ABHD12: variants seen among roughly 807,000 people sequenced by gnomAD.
ABHD12 encodes lysophosphatidylserine lipase ABHD12.
A neutral mutation model predicts 58.3 loss-of-function variants in ABHD12; 43 were observed. That is an observed-to-expected ratio of 0.74 (90% CI 0.58 to 0.95). The LOEUF is 0.95. ABHD12 is among the 40% of genes least tolerant of loss of function. The pLI, the probability that ABHD12 is intolerant of heterozygous loss-of-function variation, is 0.00. For synonymous variants in ABHD12, 219 were observed against 211.2 expected, an observed-to-expected ratio of 1.04 and a Z score of -0.32; for missense variants, 539 against 537.2, an observed-to-expected ratio of 1.00 and a Z score of -0.03.
At chr20:25,295,636 T>G (rs201552182), downstream of ABHD12, 115 of 1,613,938 alleles carry the variant, frequency 7.1e-5, no homozygotes, top group Non-Finnish European at 9.3e-5. Flanking sequence ...GAAGCCTACA[T>G]GCAGTGCCAG....
chr20:25,307,686 G>A (rs1232600769), intron 9 of ABHD12, among the ~76,000 whole-genome samples: 1 of 152,234 alleles, frequency 6.6e-6, no homozygotes, highest in Non-Finnish European at 1.5e-5. Context: ...AGGCAGGGCT[G>A]TCAATACAAT....
At chr20:25,312,475 T>C (rs1345619255) in intron 6 of ABHD12, among the ~76,000 whole-genome samples, 2 of 152,166 alleles carry the variant, frequency 1.3e-5, no homozygotes, top group East Asian at 1.9e-4. Flanking sequence ...TCTCGTTCAC[T>C]CAGTGCTCAA....
At chr20:25,382,187 T>C (rs988287252) in intron 1 of ABHD12, among the ~76,000 whole-genome samples, 4 of 152,234 alleles carry the variant, frequency 2.6e-5, no homozygotes, top group Admixed American at 6.5e-5. Context: ...TGGGTCTCTA[T>C]GAAGGCTATC....
intron 1 of ABHD12, among the ~76,000 whole-genome samples, chr20:25,388,746 C>T (rs2090128102): frequency 6.6e-6 from 1 of 151,026 alleles, no homozygotes; most frequent in South Asian, 2.1e-4. Flanking sequence ...GCCAGGTCGC[C>T]GCTGTTTCCC....
chr20:25,340,550 TG>T (rs2089441597), intron 1 of ABHD12, among the ~76,000 whole-genome samples: 1 of 152,234 alleles, frequency 6.6e-6, no homozygotes, highest in South Asian at 2.1e-4. Flanking sequence ...TGCAAGGATC[TG>T]GGAACAGAAA....
At chr20:25,343,675 G>T (rs189952298) in intron 1 of ABHD12, among the ~76,000 whole-genome samples, 2 of 152,268 alleles carry the variant, frequency 1.3e-5, no homozygotes, top group East Asian at 1.9e-4. Context: ...GTGGTGGCAG[G>T]CATCTGTAAT....
At chr20:25,340,646 T>TAAGACTA (rs1439494278) in intron 1 of ABHD12, among the ~76,000 whole-genome samples, 17 of 152,350 alleles carry the variant, frequency 1.1e-4, no homozygotes, top group African/African-American at 4.1e-4. Context: ...CTCTGGACAA[T>TAAGACTA]TTCCAAACAG....
intron 6 of ABHD12, chr20:25,310,226 G>A (rs1315142061): frequency 6.5e-6 from 1 of 153,156 alleles, no homozygotes; most frequent in Middle Eastern, 3.2e-3. Flanking sequence ...GCTTGGTCAG[G>A]GGCAGGACAG....
intron 1 of ABHD12, among the ~76,000 whole-genome samples, chr20:25,372,040 C>T (rs2089905770): frequency 6.6e-6 from 1 of 152,120 alleles, no homozygotes; most frequent in African/African-American, 2.4e-5. Flanking sequence ...CTTTCTCTGT[C>T]ACCTAGGCTG....
intron 1 of ABHD12, among the ~76,000 whole-genome samples, chr20:25,342,585 G>A (rs952232163): frequency 3.1e-4 from 47 of 151,682 alleles, no homozygotes; most frequent in Non-Finnish European, 5.1e-4. Context: ...ATTTTTTACC[G>A]GTAAAGTTTT....
intron 1 of ABHD12, among the ~76,000 whole-genome samples, chr20:25,351,887 G>A (rs1476456065): frequency 6.6e-6 from 1 of 152,138 alleles, no homozygotes; most frequent in Non-Finnish European, 1.5e-5. Flanking sequence ...GGCAACAAGA[G>A]AGAAACTGTG....
At chr20:25,317,022 CA>C in intron 5 of ABHD12, 25 bp downstream of exon 5, 1 of 1,610,478 alleles carries the variant, frequency 6.2e-7, no homozygotes, top group East Asian at 2.2e-5. Context: ...GCCCAGGGAA[CA>C]GGTGTGGGTG....
At position 25,322,381 on chromosome 20, in the gene ABHD12, A is replaced by ATATTTTTTTT; in HGVS notation, c.422+943_422+944insAAAAAAAATA. On this transcript the variant is annotated intron_variant, in intron 3 of 12. Coordinates refer to ENST00000339157, the MANE Select transcript of ABHD12 (RefSeq NM_001042472.3). ...GGAAAAGATATATATATATATATATATTTTTTTTTTTTTTTGAGACAAGAG... is the reference window on the plus strand; with the variant it reads ...GGAAAAGATATATATATATATATATATATTTTTTTTTTTTTTTTTTTTTTTGAGACAAGAG... Among the ~76,000 whole-genome samples the ATATTTTTTTT allele has an allele frequency of 3.3e-3, 194 of 59,226 alleles. 16 individuals carry two copies. Among genetic ancestry groups the ATATTTTTTTT allele is most frequent in the Non-Finnish European group, 5.5e-3 (171 of 31,324 alleles). 38.9% of individuals were successfully genotyped at this position (59,226 alleles called of 152,430 possible). A position where few individuals can be genotyped will look rare whatever the true frequency, so the allele number is the denominator to read the frequency against.
At chr20:25,320,170 A>T (rs759583865) in intron 4 of ABHD12, 29 bp downstream of exon 4, 2 of 1,612,976 alleles carry the variant, frequency 1.2e-6, no homozygotes, top group South Asian at 2.2e-5. Flanking sequence ...CATGCTCCAC[A>T]GCAAAGATGA....
At chr20:25,309,274 G>C (rs546812943) in intron 7 of ABHD12, among the ~76,000 whole-genome samples, 172 bp downstream of exon 7, 102 of 152,238 alleles carry the variant, frequency 6.7e-4, no homozygotes, top group Admixed American at 2.1e-3. Flanking sequence ...AGATCCTTTG[G>C]AGTCTCTTTG....
chr20:25,316,570 G>A (rs1056143973), intron 5 of ABHD12, among the ~76,000 whole-genome samples: 2 of 152,264 alleles, frequency 1.3e-5, no homozygotes, highest in Non-Finnish European at 2.9e-5. Context: ...ACATTCTGAT[G>A]TTGGGGCCCA....
chr20:25,376,808 T>C (rs2089967552), intron 1 of ABHD12, among the ~76,000 whole-genome samples: 1 of 149,974 alleles, frequency 6.7e-6, no homozygotes, highest in Non-Finnish European at 1.5e-5. Context: ...ACTTGCTAAA[T>C]GGATGGAAGA....
intron 2 of ABHD12, among the ~76,000 whole-genome samples, chr20:25,333,791 A>G (rs1367906625): frequency 1.3e-5 from 2 of 151,946 alleles, no homozygotes; most frequent in East Asian, 1.9e-4. Flanking sequence ...TAAATTCGGT[A>G]TTGATGGGAC....
At chr20:25,384,073 C>G (rs575516994) in intron 1 of ABHD12, among the ~76,000 whole-genome samples, 69 of 148,384 alleles carry the variant, frequency 4.7e-4, no homozygotes, top group Admixed American at 2.0e-3. Context: ...ATCTGGGAGG[C>G]AGAGGTTGCA....
Sources: allele counts gnomAD v4.1 joint callset (sites outside exome capture counted in the v4.1 genomes callset), GRCh38; gene constraint gnomAD v4.1.1; transcripts MANE v1.5; gene names NCBI Gene and HGNC (gene_info 2026-07-23, HGNC 2026-07-21).